Variants in DOCK3 observed in about 807,000 individuals in gnomAD.
DOCK3 encodes the protein dedicator of cytokinesis protein 3.
Under a neutral mutation model 265.6 loss-of-function variants are expected in DOCK3, and 60 were observed. The ratio of observed to expected loss-of-function variants is 0.23; its 90% CI spans 0.18 to 0.28. The LOEUF is 0.28. Among genes scored for constraint, DOCK3 ranks in the 10% least tolerant of loss-of-function variants. The pLI, the probability that DOCK3 is intolerant of heterozygous loss-of-function variation, is 1.00. For missense variants in DOCK3, 1,981 were observed against 2,594.3 expected (o/e 0.76, Z 5.14); for synonymous variants, 881 against 938.0 (o/e 0.94, Z 1.11).
intron 1 of DOCK3, among the ~76,000 whole-genome samples, chr3:50,699,496 A>G (rs942229024): frequency 2.1e-5 from 3 of 144,148 alleles, no homozygotes; most frequent in African/African-American, 5.2e-5. Flanking sequence ...TCTGTTGCCC[A>G]GGCTGGAGTG....
chr3:50,782,289 A>AT (rs71084112), intron 2 of DOCK3, among the ~76,000 whole-genome samples: 17 of 110,014 alleles, frequency 1.5e-4, no homozygotes, highest in African/African-American at 4.3e-4. Context: ...AGTACCTGTT[A>AT]TTTTTTTTTT....
chr3:50,745,817 A>T (rs1049518318), intron 1 of DOCK3, among the ~76,000 whole-genome samples: 1 of 152,230 alleles, frequency 6.6e-6, no homozygotes, highest in Non-Finnish European at 1.5e-5. Context: ...CGTGGTTGTT[A>T]TAAGTGTCCA....
At chr3:51,127,171 A>G (rs978593277) in intron 9 of DOCK3, among the ~76,000 whole-genome samples, 1 of 152,086 alleles carries the variant, frequency 6.6e-6, no homozygotes, top group Non-Finnish European at 1.5e-5. Context: ...TTGCTTGCTT[A>G]TATTCTAGAT....
Position 51,381,443 on chromosome 3 carries a change from C to G in DOCK3, c.5977C>G (p.Leu1993Val), listed in dbSNP as rs782298774. 1 of 1,608,754 alleles carries G rather than the reference C, an allele frequency of 6.2e-7. No homozygotes were observed. Among genetic ancestry groups the G allele is most frequent in the Non-Finnish European group, 8.5e-7 (1 of 1,178,118 alleles). ...PALEHDEGVL[L>V]REETERPRGL... ...CCTGGAGCACGATGAGGGGGTGCTG[C>G]TGCGTGAAGAGACTGAGAGGCCTCG... The change falls in exon 53 of 53, where the codon CTG (leucine) becomes GTG (valine). Residue 1993 changes from leucine (L) to valine (V), a missense_variant. Physicochemically the swap from Leu to Val is conservative, Grantham distance 32. This residue lies in a region of DOCK3 where 149 missense variants were observed against 144.7 expected (regional missense o/e 1.03). Coordinates refer to ENST00000266037, the MANE Select transcript of DOCK3 (RefSeq NM_004947.5). This position sits in a 1 kb window ranked among gnomAD's most constrained non-coding sequence, Gnocchi z 5.6.
At chr3:51,034,482 G>T (rs913630566) in intron 5 of DOCK3, among the ~76,000 whole-genome samples, 4 of 151,988 alleles carry the variant, frequency 2.6e-5, no homozygotes, top group Non-Finnish European at 5.9e-5. Flanking sequence ...CACTTCACAT[G>T]AAATGTAGAT....
At chr3:50,961,999 CT>C (rs58398349) in intron 5 of DOCK3, among the ~76,000 whole-genome samples, 142,452 of 150,990 alleles carry the variant, frequency 0.94, 67,773 homozygotes, top group East Asian at 1. Flanking sequence ...ACATGAACCA[CT>C]TTTTTTTTTT....
intron 12 of DOCK3, among the ~76,000 whole-genome samples, chr3:51,186,802 G>T (rs1029582650): frequency 6.6e-6 from 1 of 152,218 alleles, no homozygotes; most frequent in Non-Finnish European, 1.5e-5. Context: ...CTTCCACATG[G>T]TGTTGAGCCT....
intron 12 of DOCK3, among the ~76,000 whole-genome samples, chr3:51,168,680 G>A (rs1175803322): frequency 6.6e-6 from 1 of 152,142 alleles, no homozygotes; most frequent in African/African-American, 2.4e-5. Context: ...ACATAGGAAT[G>A]GGCAAAGATT....
intron 5 of DOCK3, among the ~76,000 whole-genome samples, chr3:51,021,863 G>A (rs962960522): frequency 6.6e-6 from 1 of 151,720 alleles, no homozygotes. Context: ...GGGTTTCACT[G>A]TGTTGGCCAG....
At chr3:50,820,297 G>A (rs1275579994) in intron 2 of DOCK3, among the ~76,000 whole-genome samples, 2 of 152,162 alleles carry the variant, frequency 1.3e-5, no homozygotes. Flanking sequence ...CCAATTTTGG[G>A]GTTTGCCCTG....
intron 10 of DOCK3, among the ~76,000 whole-genome samples, chr3:51,149,298 G>T (rs866846065): frequency 7.9e-5 from 12 of 152,276 alleles, no homozygotes; most frequent in South Asian, 2.1e-4. Context: ...GGGACAATTT[G>T]ACTTCCTCTT....
chr3:50,719,349 A>G (rs993366080), intron 1 of DOCK3: 2 of 341,588 alleles, frequency 5.9e-6, no homozygotes, highest in Admixed American at 8.4e-5. Flanking sequence ...GAATGAGGAA[A>G]ATATGGAACC....
At chr3:50,946,802 T>G (rs555663785) in intron 5 of DOCK3, among the ~76,000 whole-genome samples, 2 of 152,182 alleles carry the variant, frequency 1.3e-5, no homozygotes, top group Non-Finnish European at 2.9e-5. Context: ...CTTCTCTCTT[T>G]TTAGTTTTGG....
intron 1 of DOCK3, among the ~76,000 whole-genome samples, chr3:50,728,678 G>A (rs1332416196): frequency 6.6e-6 from 1 of 151,732 alleles, no homozygotes; most frequent in Non-Finnish European, 1.5e-5. Context: ...GAACAAAGTT[G>A]ACACAGGAAG....
rs535648959 is a variant in DOCK3 at position 51,083,573 on chromosome 3, A to G, written c.550-5670A>G. On this transcript the variant is annotated intron_variant, in intron 7 of 52. Transcript: ENST00000266037. ...AAAAGCAATTCATGAGTTGAAGTTTAACAAAGAGATATGCATCATAGAAAG... is the reference window on the plus strand; with the variant it reads ...AAAAGCAATTCATGAGTTGAAGTTTGACAAAGAGATATGCATCATAGAAAG... 2.6e-5 allele frequency among the ~76,000 whole-genome samples: 4 copies of G among 152,358 alleles called. No homozygotes were observed. The East Asian group carries it at 7.7e-4, about 29-fold the overall frequency.
At chr3:50,920,574 T>C (rs537586099) in intron 4 of DOCK3, among the ~76,000 whole-genome samples, 1 of 152,360 alleles carries the variant, frequency 6.6e-6, no homozygotes, top group Non-Finnish European at 1.5e-5. Flanking sequence ...AGTTTGTATT[T>C]CTGTGGGATT....
chr3:51,314,941 G>A (rs1420385402), intron 31 of DOCK3, 39 bp from the exon 32 acceptor site: 2 of 1,561,466 alleles, frequency 1.3e-6, no homozygotes, highest in African/African-American at 1.4e-5. Flanking sequence ...CATGGAAGGA[G>A]CAAAGCAGGC....
chr3:51,236,535 G>C, intron 20 of DOCK3, 107 bp downstream of exon 20: 1 of 1,027,412 alleles, frequency 9.7e-7, no homozygotes, highest in East Asian at 2.6e-5. Context: ...AGATATAGAT[G>C]TTTCCAATAG....
At chr3:51,015,462 A>T (rs2079113550) in intron 5 of DOCK3, among the ~76,000 whole-genome samples, 1 of 151,340 alleles carries the variant, frequency 6.6e-6, no homozygotes, top group African/African-American at 2.4e-5. Flanking sequence ...CCATCCTTGA[A>T]TTCCTGCAAT....
Sources: allele counts gnomAD v4.1 joint callset (sites outside exome capture counted in the v4.1 genomes callset), GRCh38; gene constraint gnomAD v4.1.1; regional missense constraint gnomAD v4.1.1; non-coding constraint Gnocchi (gnomAD v3.1); transcripts MANE v1.5; gene names NCBI Gene and HGNC (gene_info 2026-07-23, HGNC 2026-07-21).